The following DSG3 variants were observed in gnomAD, a reference collection of about 807,000 sequenced individuals.
DSG3 encodes the protein desmoglein 3, also known as desmoglein-3.
DSG3 carries 63 observed loss-of-function variants against 85.9 expected under a neutral mutation model. The observed-to-expected ratio is 0.73, with a 90% CI of 0.60 to 0.90. The LOEUF is 0.90. Ranked by LOEUF, DSG3 falls within the 40% of genes least tolerant of loss-of-function variation. The pLI is 0.00. For missense variants in DSG3, 1,220 were observed against 1,219.9 expected (o/e 1.00, Z 0.00); for synonymous variants, 447 against 441.9 (o/e 1.01, Z -0.14).
At chr18:31,465,586 G>A in intron 10 of DSG3, 129 bp downstream of exon 10, 1 of 916,774 alleles carries the variant, frequency 1.1e-6, no homozygotes, top group Non-Finnish European at 1.4e-6. Context: ...TAGGAGTGTT[G>A]GGCCTCAAGT....
chr18:31,466,401 G>C, intron 10 of DSG3, 129 bp from the exon 11 acceptor site: 1 of 763,462 alleles, frequency 1.3e-6, no homozygotes, highest in Non-Finnish European at 2.1e-6. Context: ...TTTTACTTCT[G>C]AGGATAATAT....
rs1266348902 is a variant in DSG3 at position 31,461,329 on chromosome 18, T to G, written c.916T>G (p.Phe306Val). 1 of 1,613,726 alleles carries G rather than the reference T, an allele frequency of 6.2e-7. No homozygotes were observed. The highest frequency in any genetic ancestry group is 8.5e-7 in the Non-Finnish European group (1 of 1,179,780). The change falls in exon 8 of 16, where the codon TTC becomes GTC. Residue 306 changes from phenylalanine (F) to valine (V), a missense_variant. Physicochemically the swap from Phe to Val is conservative, Grantham distance 50 (BLOSUM62 -1). Coordinates refer to ENST00000257189, the MANE Select transcript of DSG3 (RefSeq NM_001944.3). ...EYTDNWLAVYFFTSGNEGNWF... is the reference protein window; with the variant it reads ...EYTDNWLAVYVFTSGNEGNWF... ...CACAGATAATTGGCTTGCAGTATAT[T>G]TCTTTACCTCTGGGAATGAAGGAAA...
At chr18:31,457,365 A>C (rs1180320825) in intron 3 of DSG3, among the ~76,000 whole-genome samples, 5 of 152,198 alleles carry the variant, frequency 3.3e-5, no homozygotes, top group African/African-American at 1.2e-4. Context: ...GACCAATTTT[A>C]ATATAGAAGG....
At chr18:31,474,535 GT>G (rs1568092251) in intron 15 of DSG3, 131 bp downstream of exon 15, 1 of 1,201,144 alleles carries the variant, frequency 8.3e-7, no homozygotes. Flanking sequence ...TGGTTTGTTT[GT>G]TTTTTGCCAA....
At chr18:31,450,101 G>T (rs146176310) in intron 1 of DSG3, among the ~76,000 whole-genome samples, 11 of 152,106 alleles carry the variant, frequency 7.2e-5, no homozygotes. Context: ...TATGTGGTTC[G>T]CATTTGTGGT....
At chr18:31,460,475 C>T (rs925426875) in intron 6 of DSG3, among the ~76,000 whole-genome samples, 1 of 152,144 alleles carries the variant, frequency 6.6e-6, no homozygotes, top group Non-Finnish European at 1.5e-5. Flanking sequence ...TACCTACCAC[C>T]ACCACCTTCT....
chr18:31,472,168 T>C (rs1415919007), intron 12 of DSG3, 116 bp from the exon 13 acceptor site: 19 of 1,476,448 alleles, frequency 1.3e-5, no homozygotes, highest in Non-Finnish European at 1.6e-5. Context: ...TCATTAGGAA[T>C]TTTCTACAAA....
rs747680630 is a variant in DSG3 at position 31,474,159 on chromosome 18, G to A, written c.2140G>A (p.Glu714Lys). 11 of 1,614,138 alleles carry A rather than the reference G, an allele frequency of 6.8e-6. No homozygotes were observed. The highest frequency in any genetic ancestry group is 1.7e-4 in the Middle Eastern group (1 of 6,060). The change falls in exon 15 of 16, where the codon GAA becomes AAA. Residue 714 changes from glutamate (E) to lysine (K), a missense_variant. Coordinates refer to ENST00000257189, the MANE Select transcript of DSG3 (RefSeq NM_001944.3). ...TACGTATGCCAGAGGCACAGCGGTGGAAGGCACTTCAGGAATGGAAATGAC... is the reference window on the plus strand; with the variant it reads ...TACGTATGCCAGAGGCACAGCGGTGAAAGGCACTTCAGGAATGGAAATGAC... The part of the protein sequence containing the change: ...TNTYARGTAV[E>K]GTSGMEMTTK...
chr18:31,464,335 A>G lies in DSG3; in HGVS notation c.1224A>G (p.Thr408=). The change falls in exon 9 of 16, where the codon ACA becomes ACG. Residue 408 remains threonine, a synonymous_variant. Transcript: ENST00000257189. ...SKKLVDYILG[T]YQAIDEDTNK... ...AATTGGTGGATTATATCCTGGGAAC[A>G]TATCAAGCCATCGATGAGGACACTA... is the stretch of plus-strand genomic sequence containing the variant. The G allele has an allele frequency of 6.2e-7, 1 of 1,614,048 alleles. No individual in the cohort carries two copies. The highest frequency in any genetic ancestry group is 8.5e-7 in the Non-Finnish European group (1 of 1,179,946).
chr18:31,452,804 T>C (rs1259416088), intron 1 of DSG3, among the ~76,000 whole-genome samples: 1 of 152,204 alleles, frequency 6.6e-6, no homozygotes, highest in African/African-American at 2.4e-5. Context: ...AATTCAGTGA[T>C]TCAGAATCCA....
chr18:31,448,480 T>C (rs191446911), intron 1 of DSG3, among the ~76,000 whole-genome samples: 22 of 152,086 alleles, frequency 1.4e-4, no homozygotes, highest in Non-Finnish European at 2.9e-4. Flanking sequence ...ATGTCAGCCT[T>C]TGGGGATGGG....
Position 31,447,839 on chromosome 18 carries a change from C to A in DSG3, c.-39C>A. 5.2e-6 allele frequency: 8 copies of A among 1,547,120 alleles called. No homozygotes were observed. Among genetic ancestry groups the A allele is most frequent in the Non-Finnish European group, 7.0e-6 (8 of 1,143,666 alleles). ...CAGACGGCTGGCAGGATAGAAGCAG[C>A]GGCTCACTTGGACTTTTTCACCAGG... On this transcript the variant is annotated 5_prime_UTR_variant, in exon 1 of 16. Coordinates refer to ENST00000257189, the MANE Select transcript of DSG3 (RefSeq NM_001944.3).
At chr18:31,461,971 AGT>A (rs1223518586) in intron 8 of DSG3, among the ~76,000 whole-genome samples, 4 of 152,186 alleles carry the variant, frequency 2.6e-5, no homozygotes, top group Non-Finnish European at 1.5e-5. Flanking sequence ...CTTATCTGAG[AGT>A]GTGATCTGGG....
Position 31,472,318 on chromosome 18 carries a change from G to A in DSG3, c.1932G>A (p.Gly644=). ...APLLLLTCDC[G]AGSTGGVTGG... ...TTCTGCTGTTGACCTGTGACTGTGGGGCAGGTTCTACTGGGGGAGTGACAG... is the reference window on the plus strand; with the variant it reads ...TTCTGCTGTTGACCTGTGACTGTGGAGCAGGTTCTACTGGGGGAGTGACAG... The change falls in exon 13 of 16, where the codon GGG becomes GGA. Residue 644 remains glycine, a synonymous_variant. Transcript: ENST00000257189. 1 of 1,614,040 alleles carries A rather than the reference G, an allele frequency of 6.2e-7. No individual in the cohort carries two copies. Among genetic ancestry groups the A allele is most frequent in the South Asian group, 1.1e-5 (1 of 91,074 alleles).
At position 31,472,552 on chromosome 18, in the gene DSG3, G is replaced by A. The variant is rs563379721; in HGVS notation, c.2037+129G>A. 16 of 1,292,128 alleles carry A rather than the reference G, an allele frequency of 1.2e-5. No individual in the cohort carries two copies. In the African/African-American group the frequency reaches 2.1e-4, roughly 17 times the overall value. 80.0% of individuals were successfully genotyped at this position (1,292,128 alleles called of 1,614,324 possible). ...TCAGAGTCAGTGCTGAATAGATGGA[G>A]GCTTTTAGGATTTTAGCTCTTCAGA... On this transcript the variant is annotated intron_variant, in intron 13 of 15. Coordinates refer to ENST00000257189, the MANE Select transcript of DSG3 (RefSeq NM_001944.3).
intron 8 of DSG3, among the ~76,000 whole-genome samples, chr18:31,462,727 T>G (rs2144273966): frequency 6.6e-6 from 1 of 152,336 alleles, no homozygotes; most frequent in African/African-American, 2.4e-5. Context: ...GCCTGTGCCC[T>G]GGCCTGGCTT....
chr18:31,460,522 A>G (rs2144271202), intron 6 of DSG3, among the ~76,000 whole-genome samples: 1 of 152,268 alleles, frequency 6.6e-6, no homozygotes, highest in South Asian at 2.1e-4. Flanking sequence ...CAGACCCCAT[A>G]TTATTTTTGT....
chr18:31,456,329 G>A (rs1335255632), intron 1 of DSG3, 111 bp from the exon 2 acceptor site: 2 of 766,224 alleles, frequency 2.6e-6, no homozygotes, highest in Non-Finnish European at 1.9e-6. Flanking sequence ...TTTTGAAATA[G>A]AAACAAATCA....
At chr18:31,475,276 C>G (rs1316086303) in intron 15 of DSG3, among the ~76,000 whole-genome samples, 1 of 151,976 alleles carries the variant, frequency 6.6e-6, no homozygotes, top group East Asian at 1.9e-4. Flanking sequence ...ACCTAGTATC[C>G]AAGCAGACAA....
Sources: gnomAD v4.1 joint callset for allele counts (sites outside exome capture counted in the v4.1 genomes callset) on GRCh38, gnomAD v4.1.1 for gene constraint, MANE v1.5 for transcripts, NCBI Gene and HGNC (gene_info 2026-07-23, HGNC 2026-07-21) for gene names.